Variants in PMPCB observed in about 807,000 individuals in gnomAD.
PMPCB encodes the protein mitochondrial-processing peptidase subunit beta.
A neutral mutation model predicts 61.5 loss-of-function variants in PMPCB; 46 were observed. The observed-to-expected ratio is 0.75, with a 90% confidence interval of 0.59 to 0.96. The LOEUF is 0.96. Ranked by LOEUF, PMPCB falls within the 40% of genes least tolerant of loss-of-function variation. PMPCB has a pLI of 0.00. For synonymous variants in PMPCB, 191 were observed against 201.6 expected (o/e 0.95, Z 0.44); for missense variants, 590 against 602.4 (o/e 0.98, Z 0.22).
the PMPCB span, among the ~76,000 whole-genome samples, chr7:103,342,798 C>CG: frequency 4.6e-5 from 7 of 151,152 alleles, no homozygotes; most frequent in African/African-American, 1.7e-4. Flanking sequence ...TTAGTAAAGA[C>CG]GGGGTTTCAC....
chr7:103,313,732 A>G lies in PMPCB; in HGVS notation c.*1461A>G, dbSNP rs1817888430. ...CAATAACTGCTATTGTGGTTCTTCAACTAAACCTTGTATATTTCAGAAAAC... is the reference window on the plus strand; with the variant it reads ...CAATAACTGCTATTGTGGTTCTTCAGCTAAACCTTGTATATTTCAGAAAAC... On this transcript the variant is annotated 3_prime_UTR_variant, in exon 13 of 13. Transcript: ENST00000249269. 1 of 985,380 alleles carries G rather than the reference A, an allele frequency of 1.0e-6. No homozygotes were observed. The allele number at this position is 985,380 out of a possible 1,614,324, so 61.0% of individuals were successfully genotyped here. A position where few individuals can be genotyped will look rare whatever the true frequency, so the allele number is the denominator to read the frequency against.
Position 103,313,459 on chromosome 7 carries a change from A to T in PMPCB, c.*1188A>T. ...GGACTCAAAAACACAACCACAATTC[A>T]TTAAGAGTTCTGATAAATCTACTTC... On this transcript the variant is annotated 3_prime_UTR_variant, in exon 13 of 13. Coordinates refer to ENST00000249269, the MANE Select transcript of PMPCB (RefSeq NM_004279.3). 1.0e-6 allele frequency: 1 copy of T among 985,058 alleles called. No individual in the cohort carries two copies. Among genetic ancestry groups the T allele is most frequent in the Non-Finnish European group, 1.2e-6 (1 of 829,572 alleles). The allele number at this position is 985,058 out of a possible 1,614,324, so 61.0% of individuals were successfully genotyped here.
intron 1 of PMPCB, 79 bp downstream of exon 1, chr7:103,297,637 G>T (rs1456832914): frequency 1.9e-6 from 3 of 1,588,412 alleles, no homozygotes; most frequent in Non-Finnish European, 8.6e-7. Context: ...CGGCGCCACA[G>T]ATCCGAACAG....
In PMPCB at chr7:103,313,229, G is replaced by A; in HGVS notation, c.*958G>A. 1 of 1,442,656 alleles carries A rather than the reference G, an allele frequency of 6.9e-7. No homozygotes were observed. The highest frequency in any genetic ancestry group is 1.5e-5 in the South Asian group (1 of 65,592). 89.4% of individuals were successfully genotyped at this position (1,442,656 alleles called of 1,614,324 possible). A position where few individuals can be genotyped will look rare whatever the true frequency, so the allele number is the denominator to read the frequency against. ...GTGTCATTTTGAAAATAAACTTGTA[G>A]AGATGAGAGATACATATAGCCCTCT... On this transcript the variant is annotated 3_prime_UTR_variant, in exon 13 of 13. Transcript: ENST00000249269.
At chr7:103,308,862 G>T in intron 7 of PMPCB, 90 bp from the exon 8 acceptor site, 1 of 1,047,094 alleles carries the variant, frequency 9.6e-7, no homozygotes. Flanking sequence ...TAACTTTGCA[G>T]TTAATGGGAC....
chr7:103,321,431 T>C (rs1818404387), intron 12 of PMPCB, among the ~76,000 whole-genome samples: 1 of 151,022 alleles, frequency 6.6e-6, no homozygotes, highest in Non-Finnish European at 1.5e-5. Context: ...GGCAGGAGAG[T>C]TGCTTGAACC....
intron 12 of PMPCB, chr7:103,327,360 T>G (rs2115945733): frequency 7.8e-7 from 1 of 1,284,162 alleles, no homozygotes. Flanking sequence ...GAGCTTCTGA[T>G]AAGAATCACC....
chr7:103,332,697 A>C (rs181088719), downstream of PMPCB, among the ~76,000 whole-genome samples: 17 of 151,850 alleles, frequency 1.1e-4, no homozygotes, highest in African/African-American at 3.6e-4. Flanking sequence ...TGGTGTGATC[A>C]CGGCTCACTG....
At chr7:103,340,224 TTTTTCTTTG>T in the PMPCB span, among the ~76,000 whole-genome samples, 1 of 152,234 alleles carries the variant, frequency 6.6e-6, no homozygotes, top group East Asian at 1.9e-4. Flanking sequence ...ACAAAGTGTC[TTTTTCTTTG>T]TTTTCTTTCT....
chr7:103,308,892 A>G, intron 7 of PMPCB, 60 bp from the exon 8 acceptor site: 1 of 1,348,216 alleles, frequency 7.4e-7, no homozygotes, highest in Non-Finnish European at 9.9e-7. Context: ...TTTCCTTGTT[A>G]ATAAGCATGT....
At chr7:103,347,106 T>A in the PMPCB span, among the ~76,000 whole-genome samples, 1 of 152,230 alleles carries the variant, frequency 6.6e-6, no homozygotes, top group Non-Finnish European at 1.5e-5. Context: ...CATTTTATCA[T>A]TTTACATTTA....
chr7:103,331,249 T>A (rs1280175704), downstream of PMPCB, among the ~76,000 whole-genome samples: 1 of 152,240 alleles, frequency 6.6e-6, no homozygotes, highest in Non-Finnish European at 1.5e-5. Context: ...TGAGCCACTG[T>A]GCCTGGCTCA....
downstream of PMPCB, chr7:103,319,486 G>C (rs1818262123): frequency 1.0e-6 from 1 of 981,494 alleles, no homozygotes; most frequent in Non-Finnish European, 1.5e-6. Context: ...CAACAAAACA[G>C]TGGGAAACAT....
chr7:103,304,084 T>C, intron 5 of PMPCB, 44 bp downstream of exon 5: 1 of 1,352,304 alleles, frequency 7.4e-7, no homozygotes, highest in Non-Finnish European at 1.0e-6. Flanking sequence ...AATTTATGAA[T>C]GTTGAAAATA....
At chr7:103,316,715 G>A (rs1818079087), downstream of PMPCB, 3 of 885,768 alleles carry the variant, frequency 3.4e-6, no homozygotes, top group Non-Finnish European at 1.7e-6. Context: ...TTCTGCTGTG[G>A]CACAGAATTT....
At chr7:103,298,405 T>A (rs1817353001) in intron 1 of PMPCB, among the ~76,000 whole-genome samples, 163 bp from the exon 2 acceptor site, 1 of 152,164 alleles carries the variant, frequency 6.6e-6, no homozygotes, top group African/African-American at 2.4e-5. Context: ...TGGTGACAGA[T>A]GTTTCTAGGC....
At chr7:103,323,738 A>G in intron 12 of PMPCB, 5 of 1,111,210 alleles carry the variant, frequency 4.5e-6, no homozygotes, top group Non-Finnish European at 6.1e-6. Flanking sequence ...AAGTGAATGA[A>G]TTTGTTTTAA....
chr7:103,322,711 G>A (rs1818487297), intron 12 of PMPCB: 2 of 1,612,146 alleles, frequency 1.2e-6, no homozygotes, highest in South Asian at 1.1e-5. Context: ...ACCAACTAAT[G>A]TTCTTATTCT....
downstream of PMPCB, chr7:103,317,080 G>T: frequency 7.1e-7 from 1 of 1,407,838 alleles, no homozygotes. Context: ...CTCTCTTCCT[G>T]GCTAGGGCTT....
Sources: gnomAD v4.1 joint callset for allele counts (sites outside exome capture counted in the v4.1 genomes callset) on GRCh38, gnomAD v4.1.1 for gene constraint, MANE v1.5 for transcripts, NCBI Gene and HGNC (gene_info 2026-07-23, HGNC 2026-07-21) for gene names.